Variants in OBP2B observed in about 807,000 individuals in gnomAD.
The protein encoded by OBP2B is odorant-binding protein 2b.
Under a neutral mutation model 21.7 loss-of-function variants are expected in OBP2B, and 10 were observed. The observed-to-expected ratio is 0.46, with a 90% CI of 0.28 to 0.78. The LOEUF (loss-of-function observed/expected upper bound fraction) is 0.78. OBP2B is among the 30% of genes least tolerant of loss of function. The probability of loss-of-function intolerance (pLI) is 0.11; values close to 1 mark genes in which losing one functional copy is unlikely to be tolerated. For missense variants in OBP2B, 153 were observed against 217.7 expected, an observed-to-expected ratio of 0.70 and a Z score of 1.87; for synonymous variants, 73 against 91.5, an observed-to-expected ratio of 0.80 and a Z score of 1.16.
chr9:133,210,769 C>T (rs1264325533), upstream of OBP2B, among the ~76,000 whole-genome samples: 2 of 152,212 alleles, frequency 1.3e-5, no homozygotes, highest in Non-Finnish European at 2.9e-5. Flanking sequence ...ATCCACCCAT[C>T]TTGCCCTGTG....
upstream of OBP2B, among the ~76,000 whole-genome samples, chr9:133,212,302 C>T (rs549241449): frequency 3.1e-4 from 47 of 152,352 alleles, no homozygotes; most frequent in Admixed American, 1.4e-3. Context: ...CATCAAAGAA[C>T]TCGGCCACCC....
the OBP2B span, among the ~76,000 whole-genome samples, chr9:133,215,052 C>T: frequency 6.6e-6 from 1 of 152,056 alleles, no homozygotes; most frequent in Non-Finnish European, 1.5e-5. Flanking sequence ...AACAATACAC[C>T]TCCTAGAACT....
intron 3 of OBP2B, chr9:133,207,870 A>C (rs782596688): frequency 5.5e-5 from 83 of 1,519,838 alleles, no homozygotes; most frequent in Middle Eastern, 1.7e-4. Flanking sequence ...CCCAATCCTC[A>C]GCTTCCTCAA....
chr9:133,207,727 G>T, intron 3 of OBP2B: 1 of 649,002 alleles, frequency 1.5e-6, no homozygotes, highest in Non-Finnish European at 2.6e-6. Flanking sequence ...TCAGCTTCCC[G>T]ATCCCTAACC....
intron 6 of OBP2B, 41 bp downstream of exon 6, chr9:133,205,876 G>T (rs1833688525): frequency 6.5e-7 from 1 of 1,543,258 alleles, no homozygotes; most frequent in African/African-American, 1.9e-5. Context: ...GGGAACCCAG[G>T]ACTCTGGGCT....
the OBP2B span, among the ~76,000 whole-genome samples, chr9:133,221,757 A>G: frequency 1.7e-4 from 26 of 152,074 alleles, no homozygotes; most frequent in Admixed American, 1.0e-3. Context: ...AATAGTGTGG[A>G]TTGCATGGTG....
At chr9:133,217,759 G>C in the OBP2B span, among the ~76,000 whole-genome samples, 1 of 152,182 alleles carries the variant, frequency 6.6e-6, no homozygotes, top group African/African-American at 2.4e-5. Flanking sequence ...GCTGTGGCTG[G>C]GACAACCCAG....
upstream of OBP2B, among the ~76,000 whole-genome samples, chr9:133,211,244 G>A (rs1833913078): frequency 6.6e-6 from 1 of 152,206 alleles, no homozygotes; most frequent in African/African-American, 2.4e-5. Flanking sequence ...TCTCAGTTAA[G>A]GCTGCAAGAC....
chr9:133,209,007 G>T lies in OBP2B; in HGVS notation c.72+121C>A, dbSNP rs1372404420. 1.0e-5 allele frequency: 10 copies of T among 969,036 alleles called. No individual in the cohort carries two copies. Among genetic ancestry groups the T allele is most frequent in the Non-Finnish European group, 1.4e-5 (9 of 654,624 alleles). 60.0% of individuals were successfully genotyped at this position (969,036 alleles called of 1,614,324 possible). A position where few individuals can be genotyped will look rare whatever the true frequency, so the allele number is the denominator to read the frequency against. On this transcript the variant is annotated intron_variant, in intron 1 of 6. Transcript: ENST00000372034. The surrounding 1 kb of genome is among the most constrained non-coding windows in gnomAD (Gnocchi z 6.0). Reference sequence around the variant, plus strand: ...TAGGACCCCTCCACCACCACCCCAGGCTGGGAGCACGGGGTCAGAAGCCAG... The same window carrying T: ...TAGGACCCCTCCACCACCACCCCAGTCTGGGAGCACGGGGTCAGAAGCCAG...
the OBP2B span, among the ~76,000 whole-genome samples, chr9:133,217,198 G>A: frequency 6.3e-3 from 958 of 152,306 alleles, 3 homozygotes; most frequent in Non-Finnish European, 9.8e-3. Flanking sequence ...TGGGGCACAA[G>A]GAATACATCG....
At position 133,209,075 on chromosome 9, in the gene OBP2B, C is replaced by T. The variant is rs1833851416; in HGVS notation, c.72+53G>A. 1.9e-6 allele frequency: 3 copies of T among 1,609,320 alleles called. 1 individual carries two copies. The highest frequency in any genetic ancestry group is 2.2e-5 in the South Asian group (2 of 90,244). ...TAAAGCAGGGCCCCTGGCACTGCCCCCTGCCCAGGAGTCCGCCTGGCTCCT... is the reference window on the plus strand; with the variant it reads ...TAAAGCAGGGCCCCTGGCACTGCCCTCTGCCCAGGAGTCCGCCTGGCTCCT... On this transcript the variant is annotated intron_variant, in intron 1 of 6. Coordinates refer to ENST00000372034, the MANE Select transcript of OBP2B (RefSeq NM_014581.4). The surrounding 1 kb of genome is among the most constrained non-coding windows in gnomAD (Gnocchi z 6.0).
chr9:133,212,129 C>G (rs572080295), upstream of OBP2B, among the ~76,000 whole-genome samples: 1 of 152,286 alleles, frequency 6.6e-6, no homozygotes, highest in East Asian at 1.9e-4. Flanking sequence ...GTGGGCCATT[C>G]TGCAAAGAAG....
chr9:133,206,337 G>C lies in OBP2B; in HGVS notation c.468C>G (p.Asp156Glu). The C allele has an allele frequency of 6.2e-7, 1 of 1,614,062 alleles. No individual in the cohort carries two copies. Among genetic ancestry groups the C allele is most frequent in the Admixed American group, 1.7e-5 (1 of 60,018 alleles). ...LVQRKGLSEE[D>E]IFTPLQTGSC... ...CACCCGTCTGCAGGGGCGTGAAAAT[G>C]TCCTCCTCCGAGAGTCCCTTGCGCT... The change falls in exon 5 of 7, where the codon GAC becomes GAG. Residue 156 changes from aspartate (D) to glutamate (E), a missense_variant. Coordinates refer to ENST00000372034, the MANE Select transcript of OBP2B (RefSeq NM_014581.4).
chr9:133,217,426 C>A, the OBP2B span, among the ~76,000 whole-genome samples: 1 of 152,190 alleles, frequency 6.6e-6, no homozygotes, highest in Admixed American at 6.5e-5. Context: ...TTGGTTGAGG[C>A]GTAGGGAGAA....
the OBP2B span, among the ~76,000 whole-genome samples, chr9:133,222,917 C>T: frequency 6.6e-6 from 1 of 151,960 alleles, no homozygotes; most frequent in South Asian, 2.1e-4. Flanking sequence ...AGCCCCCACT[C>T]CCTCCCGCAC....
chr9:133,209,708 C>T (rs184691859), upstream of OBP2B, among the ~76,000 whole-genome samples: 244 of 152,280 alleles, frequency 1.6e-3, 3 homozygotes, highest in Admixed American at 0.013. The surrounding 1 kb of genome is among the most constrained non-coding windows in gnomAD (Gnocchi z 6.0). Context: ...GAGTCCCGCA[C>T]GCCCTAGAGC....
intron 4 of OBP2B, 151 bp from the exon 5 acceptor site, chr9:133,206,567 G>C (rs1337946329): frequency 3.2e-6 from 3 of 949,606 alleles, no homozygotes; most frequent in African/African-American, 3.3e-5. Flanking sequence ...GCTGGGGACA[G>C]AGGAGATGGC....
chr9:133,217,849 C>T, the OBP2B span, among the ~76,000 whole-genome samples: 7 of 152,240 alleles, frequency 4.6e-5, no homozygotes, highest in African/African-American at 1.4e-4. Flanking sequence ...AGGATCCCCA[C>T]CCCTGTTTAT....
At chr9:133,219,027 G>A in the OBP2B span, among the ~76,000 whole-genome samples, 1 of 152,204 alleles carries the variant, frequency 6.6e-6, no homozygotes, top group Non-Finnish European at 1.5e-5. Context: ...TAGTTGAGAT[G>A]CCAAGATAAG....
Sources: gnomAD v4.1 joint callset for allele counts (sites outside exome capture counted in the v4.1 genomes callset) on GRCh38, gnomAD v4.1.1 for gene constraint, Gnocchi (gnomAD v3.1) non-coding constraint, MANE v1.5 for transcripts, NCBI Gene and HGNC (gene_info 2026-07-23, HGNC 2026-07-21) for gene names.